The following TMEM117 variants were observed in gnomAD, a reference collection of about 807,000 sequenced individuals.
TMEM117 encodes transmembrane protein 117.
TMEM117 carries 27 observed loss-of-function variants against 52.4 expected under a neutral mutation model. That is an observed-to-expected ratio of 0.51 (90% CI 0.38 to 0.71). TMEM117 has a LOEUF of 0.71. Ranked by LOEUF, TMEM117 falls within the 30% of genes least tolerant of loss-of-function variation. TMEM117 has a pLI of 0.00. For synonymous variants in TMEM117, 215 were observed against 206.3 expected (o/e 1.04, Z -0.36); for missense variants, 556 against 630.5 (o/e 0.88, Z 1.26).
chr12:43,799,605 G>T, the TMEM117 span: 1 of 557,806 alleles, frequency 1.8e-6, no homozygotes. Flanking sequence ...GATTTTAAAT[G>T]AAAATAAATA....
intron 3 of TMEM117, among the ~76,000 whole-genome samples, chr12:44,005,917 G>A (rs1946187280): frequency 1.3e-5 from 2 of 152,152 alleles, no homozygotes; most frequent in African/African-American, 2.4e-5. Flanking sequence ...TGTAAGACAT[G>A]GCTTTCTCCT....
At chr12:44,149,394 T>G (rs1038667899) in intron 4 of TMEM117, among the ~76,000 whole-genome samples, 1 of 152,144 alleles carries the variant, frequency 6.6e-6, no homozygotes, top group Non-Finnish European at 1.5e-5. Context: ...CATTTACAAC[T>G]CTAGAACAGA....
At chr12:44,051,168 AT>A (rs1423011842) in intron 3 of TMEM117, among the ~76,000 whole-genome samples, 81 of 152,204 alleles carry the variant, frequency 5.3e-4, no homozygotes, top group Non-Finnish European at 1.1e-3. Context: ...GTGTATAGAC[AT>A]ACACATGGAT....
chr12:44,324,947 A>C (rs1384964692), intron 6 of TMEM117, among the ~76,000 whole-genome samples: 1 of 152,188 alleles, frequency 6.6e-6, no homozygotes, highest in African/African-American at 2.4e-5. Context: ...TGTTGGTTGA[A>C]CATTATGACT....
Position 44,010,138 on chromosome 12 carries a change from C to G in TMEM117, c.410+65796C>G, listed in dbSNP as rs140026176. On this transcript the variant is annotated intron_variant, in intron 3 of 7. Transcript: ENST00000266534. ...ATGCATCTGCCTTCAGCTCTCTCATCATTGTTTGCTCTAGGAACAGTTTTA... is the reference window on the plus strand; with the variant it reads ...ATGCATCTGCCTTCAGCTCTCTCATGATTGTTTGCTCTAGGAACAGTTTTA... 125 of 512,810 alleles carry G rather than the reference C, an allele frequency of 2.4e-4. 1 individual carries two copies. In the East Asian group the frequency reaches 6.7e-3, roughly 28 times the overall value. 31.8% of individuals were successfully genotyped at this position (512,810 alleles called of 1,614,324 possible). A position where few individuals can be genotyped will look rare whatever the true frequency, so the allele number is the denominator to read the frequency against.
intron 4 of TMEM117, among the ~76,000 whole-genome samples, chr12:44,157,105 GA>G (rs1469628225): frequency 6.6e-6 from 1 of 152,112 alleles, no homozygotes; most frequent in Non-Finnish European, 1.5e-5. Flanking sequence ...TTCATAATAT[GA>G]AGAACAATCC....
intron 4 of TMEM117, among the ~76,000 whole-genome samples, chr12:44,197,925 T>G (rs1949442893): frequency 6.6e-6 from 1 of 152,184 alleles, no homozygotes; most frequent in African/African-American, 2.4e-5. Context: ...GAAACCCTGG[T>G]TGTGCCTCTA....
intron 3 of TMEM117, among the ~76,000 whole-genome samples, chr12:44,038,521 T>A (rs9971753): frequency 9.7e-4 from 147 of 152,266 alleles, no homozygotes; most frequent in African/African-American, 3.4e-3. Flanking sequence ...CCCTCACCAC[T>A]CGTGCCTGGC....
intron 6 of TMEM117, among the ~76,000 whole-genome samples, chr12:44,364,671 A>G (rs1292411524): frequency 6.6e-6 from 1 of 152,128 alleles, no homozygotes; most frequent in Non-Finnish European, 1.5e-5. Context: ...AGTAACTTAA[A>G]CACTCCATTG....
chr12:44,006,505 T>C (rs908571613), intron 3 of TMEM117, among the ~76,000 whole-genome samples: 27 of 152,326 alleles, frequency 1.8e-4, no homozygotes, highest in Non-Finnish European at 4.0e-4. Context: ...GATTGAATGA[T>C]AGCTTTTAAT....
chr12:44,163,357 GTTTTA>G (rs1476802308), intron 4 of TMEM117, among the ~76,000 whole-genome samples: 2 of 151,938 alleles, frequency 1.3e-5, no homozygotes, highest in Non-Finnish European at 2.9e-5. Flanking sequence ...TGTAAAACCT[GTTTTA>G]TTTTATTTTA....
chr12:44,222,053 G>A (rs1203427964), intron 5 of TMEM117, among the ~76,000 whole-genome samples: 1 of 152,072 alleles, frequency 6.6e-6, no homozygotes, highest in African/African-American at 2.4e-5. Flanking sequence ...TTATAATGAT[G>A]GAGGAGGGGA....
chr12:43,888,588 C>T (rs1345920270), intron 2 of TMEM117, among the ~76,000 whole-genome samples: 5 of 138,206 alleles, frequency 3.6e-5, no homozygotes, highest in African/African-American at 1.4e-4. Context: ...TGCTCTATCA[C>T]CCAGGCTGGA....
intron 6 of TMEM117, among the ~76,000 whole-genome samples, chr12:44,372,965 T>G (rs1951884862): frequency 6.6e-6 from 1 of 152,258 alleles, no homozygotes; most frequent in South Asian, 2.1e-4. Flanking sequence ...CATTGTGATC[T>G]TAAATATATG....
At chr12:43,972,430 G>T (rs1945604222) in intron 3 of TMEM117, among the ~76,000 whole-genome samples, 1 of 152,214 alleles carries the variant, frequency 6.6e-6, no homozygotes, top group African/African-American at 2.4e-5. Flanking sequence ...GTGAGCAGCA[G>T]CAGGATTTAT....
intron 5 of TMEM117, among the ~76,000 whole-genome samples, chr12:44,268,024 G>T (rs1027695182): frequency 6.6e-6 from 1 of 152,228 alleles, no homozygotes; most frequent in South Asian, 2.1e-4. Flanking sequence ...CCAGTAGTGG[G>T]ATTCCTTGAC....
chr12:44,384,458 G>A (rs1952061524), intron 7 of TMEM117, among the ~76,000 whole-genome samples: 1 of 152,004 alleles, frequency 6.6e-6, no homozygotes, highest in Non-Finnish European at 1.5e-5. Context: ...GGGAGAGGTA[G>A]GGACACGATC....
chr12:44,123,200 T>C (rs1180937059), intron 3 of TMEM117, among the ~76,000 whole-genome samples: 1 of 152,166 alleles, frequency 6.6e-6, no homozygotes, highest in Non-Finnish European at 1.5e-5. Flanking sequence ...TGTACGTATT[T>C]CTTCTTTTGA....
chr12:44,374,358 C>G (rs1951908607), intron 6 of TMEM117, among the ~76,000 whole-genome samples: 1 of 152,142 alleles, frequency 6.6e-6, no homozygotes, highest in South Asian at 2.1e-4. Flanking sequence ...ATATGAAAGA[C>G]TTTATGAATG....
Sources: gnomAD v4.1 joint callset for allele counts (sites outside exome capture counted in the v4.1 genomes callset) on GRCh38, gnomAD v4.1.1 for gene constraint, MANE v1.5 for transcripts, NCBI Gene and HGNC (gene_info 2026-07-23, HGNC 2026-07-21) for gene names.